NME7: variants seen among roughly 807,000 people sequenced by gnomAD.
NME7 encodes NME/NM23 family member 7, also known as nucleoside diphosphate kinase 7.
Under a neutral mutation model 49.1 loss-of-function variants are expected in NME7, and 41 were observed. The ratio of observed to expected loss-of-function variants is 0.83; its 90% CI spans 0.65 to 1.08. The LOEUF is 1.08. Among genes scored for constraint, NME7 ranks in the 50% least tolerant of loss-of-function variants. The pLI is 0.00. For missense variants in NME7, 423 were observed against 463.4 expected (o/e 0.91, Z 0.80); for synonymous variants, 139 against 150.6 (o/e 0.92, Z 0.56).
At position 169,273,407 on chromosome 1, in the gene NME7, G is replaced by A. The variant is rs142694123; in HGVS notation, c.754+13896C>T. 4.2e-3 allele frequency among the ~76,000 whole-genome samples: 552 copies of A among 132,694 alleles called. 128 individuals are homozygous for A. Among genetic ancestry groups the A allele is most frequent in the Non-Finnish European group, 7.8e-3 (443 of 56,494 alleles). The allele number at this position is 132,694 out of a possible 152,430, so 87.1% of individuals were successfully genotyped here. A position where few individuals can be genotyped will look rare whatever the true frequency, so the allele number is the denominator to read the frequency against. ...AATGAAGTCATCACTTTTTAAGGCT[G>A]CATAGTATTCCATGGCGTATATGCA... On this transcript the variant is annotated intron_variant, in intron 7 of 11. Coordinates refer to ENST00000367811, the MANE Select transcript of NME7 (RefSeq NM_013330.5).
intron 10 of NME7, among the ~76,000 whole-genome samples, chr1:169,188,384 T>C (rs61806211): frequency 3.7e-4 from 56 of 152,210 alleles, no homozygotes; most frequent in Non-Finnish European, 7.1e-4. Context: ...TGATCTATAC[T>C]ACAGAGCTTT....
chr1:169,353,079 T>G (rs1653238522), intron 1 of NME7, among the ~76,000 whole-genome samples: 1 of 151,868 alleles, frequency 6.6e-6, no homozygotes, highest in African/African-American at 2.4e-5. Flanking sequence ...AGACTCAGAA[T>G]AGCCAAAACC....
At chr1:169,349,927 ATGCCTGTAATCC>A (rs1457894412) in intron 1 of NME7, among the ~76,000 whole-genome samples, 1 of 152,120 alleles carries the variant, frequency 6.6e-6, no homozygotes, top group African/African-American at 2.4e-5. Context: ...ATGGTGTCTC[ATGCCTGTAATCC>A]CAGCACTTTG....
intron 10 of NME7, among the ~76,000 whole-genome samples, chr1:169,199,447 TTTTTTATTATTATTATTATTATTA>T (rs1381478987): frequency 1.2e-5 from 1 of 86,158 alleles, no homozygotes; most frequent in South Asian, 3.2e-4. Flanking sequence ...ACCCAGGGTC[TTTTTTATTATTATTATTATTATTA>T]TTATTATTAT....
intron 10 of NME7, among the ~76,000 whole-genome samples, chr1:169,213,800 G>GA (rs1660897608): frequency 6.7e-6 from 1 of 149,142 alleles, no homozygotes; most frequent in Non-Finnish European, 1.5e-5. Flanking sequence ...ATAATCTTGG[G>GA]AAAAAATATA....
chr1:169,357,267 CT>C (rs1311945779), intron 1 of NME7, among the ~76,000 whole-genome samples: 1 of 151,898 alleles, frequency 6.6e-6, no homozygotes, highest in East Asian at 1.9e-4. Flanking sequence ...AGACTGTGAG[CT>C]TTTTAAAAAA....
chr1:169,215,821 G>A (rs912479979), intron 10 of NME7, among the ~76,000 whole-genome samples: 4 of 152,154 alleles, frequency 2.6e-5, no homozygotes, highest in African/African-American at 9.7e-5. Context: ...TGAACATGGA[G>A]GACACTATGC....
intron 7 of NME7, among the ~76,000 whole-genome samples, chr1:169,258,375 C>CATACATAT (rs1197809299): frequency 1.2e-5 from 1 of 86,770 alleles, no homozygotes; most frequent in Non-Finnish European, 2.5e-5. Context: ...TAAAATAAAA[C>CATACATAT]ATATATATAT....
chr1:169,353,112 CTG>C (rs1553197277), intron 1 of NME7, among the ~76,000 whole-genome samples: 4 of 151,688 alleles, frequency 2.6e-5, no homozygotes. Flanking sequence ...AAGATGAAAA[CTG>C]AAAAAAATCA....
At chr1:169,306,233 C>T (rs957044212) in intron 4 of NME7, among the ~76,000 whole-genome samples, 1 of 152,102 alleles carries the variant, frequency 6.6e-6, no homozygotes, top group East Asian at 1.9e-4. Context: ...GTCTGCTTGA[C>T]CATATTTTCC....
At chr1:169,242,822 T>A (rs1409808978) in intron 7 of NME7, among the ~76,000 whole-genome samples, 1 of 151,000 alleles carries the variant, frequency 6.6e-6, no homozygotes, top group Non-Finnish European at 1.5e-5. Context: ...TTATAATCAC[T>A]CAAAAAGAAA....
At chr1:169,134,094 T>C (rs1658348398) in intron 11 of NME7, among the ~76,000 whole-genome samples, 1 of 152,198 alleles carries the variant, frequency 6.6e-6, no homozygotes, top group African/African-American at 2.4e-5. Context: ...TCCTGATCTT[T>C]AGTGTTATAT....
intron 1 of NME7, among the ~76,000 whole-genome samples, chr1:169,352,510 G>T (rs1481904743): frequency 1.3e-5 from 2 of 152,048 alleles, no homozygotes; most frequent in African/African-American, 4.8e-5. Flanking sequence ...TTTCCTCTCA[G>T]ATCTGGAACA....
chr1:169,237,508 TC>T, intron 8 of NME7, 114 bp downstream of exon 8: 1 of 675,342 alleles, frequency 1.5e-6, no homozygotes, highest in Non-Finnish European at 2.5e-6. Flanking sequence ...AGTAAGTATG[TC>T]TTTTATTTTT....
At position 169,164,694 on chromosome 1, in the gene NME7, A is replaced by G. The variant is rs116582631; in HGVS notation, c.1098+4753T>C. 6.7e-3 allele frequency among the ~76,000 whole-genome samples: 1,016 copies of G among 152,316 alleles called. 10 individuals are homozygous for G. The highest frequency in any genetic ancestry group is 0.023 in the African/African-American group (936 of 41,572). ...GGTAAGGTGGGATGTATCTGTAAAC[A>G]TGCGTATTATTTCCATTGTTAATGA... On this transcript the variant is annotated intron_variant, in intron 11 of 11. Transcript: ENST00000367811.
At chr1:169,343,457 A>C (rs1054941368) in intron 1 of NME7, among the ~76,000 whole-genome samples, 1 of 150,690 alleles carries the variant, frequency 6.6e-6, no homozygotes, top group African/African-American at 2.4e-5. Context: ...CCACTAATCT[A>C]TATGTCTATC....
chr1:169,354,165 T>C (rs948687191), intron 1 of NME7, among the ~76,000 whole-genome samples: 1 of 151,810 alleles, frequency 6.6e-6, no homozygotes, highest in Non-Finnish European at 1.5e-5. Flanking sequence ...ATCTAAAGAA[T>C]GGAAAAGGAA....
intron 11 of NME7, among the ~76,000 whole-genome samples, chr1:169,166,040 T>C (rs778098541): frequency 6.6e-6 from 1 of 152,212 alleles, no homozygotes; most frequent in Non-Finnish European, 1.5e-5. Flanking sequence ...CTTTGCAAAC[T>C]ACAGGCAGTA....
chr1:169,139,074 C>A (rs139606641), intron 11 of NME7, among the ~76,000 whole-genome samples: 210 of 152,258 alleles, frequency 1.4e-3, no homozygotes, highest in African/African-American at 4.7e-3. Context: ...CTCCTCCCTA[C>A]CTGTAATGAT....
Sources: allele counts gnomAD v4.1 joint callset (sites outside exome capture counted in the v4.1 genomes callset), GRCh38; gene constraint gnomAD v4.1.1; transcripts MANE v1.5; gene names NCBI Gene and HGNC (gene_info 2026-07-23, HGNC 2026-07-21).